The following PTPRD variants were observed in gnomAD, a reference collection of about 807,000 sequenced individuals.
PTPRD encodes the protein protein tyrosine phosphatase receptor type D.
In PTPRD, 34 loss-of-function variants were observed where a neutral mutation model predicts 214.5. The observed-to-expected ratio is 0.16, with a 90% CI of 0.12 to 0.21. The LOEUF (loss-of-function observed/expected upper bound fraction) is 0.21. Among genes scored for constraint, PTPRD ranks in the 10% least tolerant of loss-of-function variants. PTPRD has a pLI of 1.00. For synonymous variants in PTPRD, 1,128 were observed against 845.7 expected, an observed-to-expected ratio of 1.33 and a Z score of -5.79; for missense variants, 2,545 against 2,398.7, an observed-to-expected ratio of 1.06 and a Z score of -1.27.
chr9:9,003,046 G>T (rs752904175), intron 11 of PTPRD, among the ~76,000 whole-genome samples: 3 of 152,056 alleles, frequency 2.0e-5, no homozygotes, highest in African/African-American at 7.2e-5. Context: ...TGCCTGGAGA[G>T]CTGACTTATC....
At chr9:10,246,917 A>G (rs1319458051) in intron 3 of PTPRD, among the ~76,000 whole-genome samples, 1 of 151,534 alleles carries the variant, frequency 6.6e-6, no homozygotes, top group Admixed American at 6.6e-5. Flanking sequence ...AATAAACAAT[A>G]AATATAAAAT....
chr9:9,742,673 G>C (rs2098416358), intron 6 of PTPRD, among the ~76,000 whole-genome samples: 1 of 151,774 alleles, frequency 6.6e-6, no homozygotes, highest in African/African-American at 2.4e-5. Flanking sequence ...AAAAAACATG[G>C]TATGTTCCTT....
intron 3 of PTPRD, among the ~76,000 whole-genome samples, chr9:10,234,628 C>G (rs939816105): frequency 3.9e-5 from 5 of 126,874 alleles, no homozygotes; most frequent in African/African-American, 1.2e-4. Flanking sequence ...TCTGGAAATG[C>G]ATTGCTAAAT....
rs538991249 is a variant in PTPRD at position 9,628,518 on chromosome 9, C to T, written c.-286-53737G>A. Among the ~76,000 whole-genome samples the T allele has an allele frequency of 7.9e-5, 12 of 152,276 alleles. No individual in the cohort carries two copies. The East Asian group carries it at 1.9e-3, about 25-fold the overall frequency. ...ATCCAGGATCTGCACACAGCTGCTA[C>T]ACAGAGTTCCTAGAACAGCTCAAAT... is the stretch of plus-strand genomic sequence containing the variant. On this transcript the variant is annotated intron_variant, in intron 7 of 45. Transcript: ENST00000381196.
intron 2 of PTPRD, among the ~76,000 whole-genome samples, chr9:10,375,988 C>T (rs1263547572): frequency 1.3e-5 from 2 of 151,848 alleles, no homozygotes; most frequent in East Asian, 1.9e-4. Flanking sequence ...AGTATCTTTG[C>T]CTTTTGTTAT....
chr9:8,506,193 G>T (rs532217715), intron 22 of PTPRD, among the ~76,000 whole-genome samples: 1 of 152,054 alleles, frequency 6.6e-6, no homozygotes. Flanking sequence ...TAGCATGTGA[G>T]TTTTTTAAAA....
At chr9:8,844,582 C>A (rs533008449) in intron 11 of PTPRD, among the ~76,000 whole-genome samples, 1 of 152,112 alleles carries the variant, frequency 6.6e-6, no homozygotes, top group Non-Finnish European at 1.5e-5. Context: ...ACCATCTGTA[C>A]AATAATCCAT....
At chr9:9,880,086 T>C (rs2068172954) in intron 5 of PTPRD, among the ~76,000 whole-genome samples, 1 of 152,084 alleles carries the variant, frequency 6.6e-6, no homozygotes, top group Non-Finnish European at 1.5e-5. Flanking sequence ...AGGGAGGTGA[T>C]TGGATCATGG....
chr9:10,428,833 G>C (rs73406160), intron 2 of PTPRD, among the ~76,000 whole-genome samples: 2 of 151,980 alleles, frequency 1.3e-5, no homozygotes, highest in Non-Finnish European at 2.9e-5. Context: ...TATTCCTCTT[G>C]ATTTGAGGAA....
At chr9:9,410,941 G>C (rs537938443) in intron 8 of PTPRD, among the ~76,000 whole-genome samples, 18 of 152,236 alleles carry the variant, frequency 1.2e-4, no homozygotes, top group African/African-American at 4.3e-4. Context: ...CCTAAATTGA[G>C]GCTTAGAATA....
intron 14 of PTPRD, among the ~76,000 whole-genome samples, chr9:8,628,428 G>C (rs1054212004): frequency 2.0e-5 from 3 of 151,682 alleles, no homozygotes; most frequent in Admixed American, 6.6e-5. Flanking sequence ...TGCCTTCTCT[G>C]TCTCATCCAA....
intron 3 of PTPRD, among the ~76,000 whole-genome samples, chr9:10,207,712 G>C (rs554752298): frequency 4.8e-4 from 72 of 151,440 alleles, no homozygotes; most frequent in African/African-American, 1.7e-3. Context: ...CTCTTTCATA[G>C]TGTTACAAAA....
intron 3 of PTPRD, among the ~76,000 whole-genome samples, chr9:10,223,500 C>T (rs1168326805): frequency 6.6e-6 from 1 of 151,654 alleles, no homozygotes; most frequent in African/African-American, 2.4e-5. Flanking sequence ...CCTGTCTTTA[C>T]TAAAAATAGG....
chr9:8,599,384 T>C (rs1221450055), intron 14 of PTPRD, among the ~76,000 whole-genome samples: 2 of 152,150 alleles, frequency 1.3e-5, no homozygotes, highest in African/African-American at 4.8e-5. Context: ...CCATCTCTTC[T>C]GAAAAGTAAA....
chr9:9,877,080 A>G lies in PTPRD; in HGVS notation c.-368+61427T>C, dbSNP rs183655061. ...TGAATGCTACAGAATTCAAGCATCCAGGCACCAAAAAGATCTAATTACAGA... is the reference window on the plus strand; with the variant it reads ...TGAATGCTACAGAATTCAAGCATCCGGGCACCAAAAAGATCTAATTACAGA... On this transcript the variant is annotated intron_variant, in intron 5 of 45. Coordinates refer to ENST00000381196, the MANE Select transcript of PTPRD (RefSeq NM_002839.4). Among the ~76,000 whole-genome samples, 17 of 152,290 alleles carry G rather than the reference A, an allele frequency of 1.1e-4. 1 individual carries two copies. In the East Asian group the frequency reaches 2.5e-3, roughly 22 times the overall value.
At chr9:8,377,652 A>G (rs1306914658) in intron 37 of PTPRD, among the ~76,000 whole-genome samples, 2 of 152,054 alleles carry the variant, frequency 1.3e-5, no homozygotes, top group Non-Finnish European at 2.9e-5. Flanking sequence ...ACTGAAATAC[A>G]TTTCTCTAGG....
chr9:10,476,502 G>A (rs1045465200), intron 2 of PTPRD, among the ~76,000 whole-genome samples: 2 of 151,260 alleles, frequency 1.3e-5, no homozygotes, highest in African/African-American at 4.9e-5. Context: ...ACAAACAAAT[G>A]GAAAAAACAT....
intron 8 of PTPRD, among the ~76,000 whole-genome samples, chr9:9,432,389 A>G (rs888636713): frequency 2.6e-5 from 4 of 152,192 alleles, no homozygotes; most frequent in Non-Finnish European, 4.4e-5. Flanking sequence ...GGTGAGCCAA[A>G]GGAACTAAAA....
At chr9:9,028,689 T>C (rs2099595150) in intron 10 of PTPRD, among the ~76,000 whole-genome samples, 2 of 152,052 alleles carry the variant, frequency 1.3e-5, no homozygotes, top group South Asian at 2.1e-4. Context: ...GTCTTCAAGA[T>C]ATTGGCAGTC....
Sources: allele counts gnomAD v4.1 joint callset (sites outside exome capture counted in the v4.1 genomes callset), GRCh38; gene constraint gnomAD v4.1.1; transcripts MANE v1.5; gene names NCBI Gene and HGNC (gene_info 2026-07-23, HGNC 2026-07-21).